The following FAM178B variants were observed in gnomAD, a reference collection of about 807,000 sequenced individuals.
FAM178B encodes protein FAM178B.
Under a neutral mutation model 91.7 loss-of-function variants are expected in FAM178B, and 82 were observed. The observed-to-expected ratio is 0.89, with a 90% CI of 0.75 to 1.07. The LOEUF (loss-of-function observed/expected upper bound fraction) is 1.07. Among genes scored for constraint, FAM178B ranks in the 50% least tolerant of loss-of-function variants. The pLI is 0.00. For missense variants in FAM178B, 769 were observed against 846.7 expected, an observed-to-expected ratio of 0.91 and a Z score of 1.14; for synonymous variants, 368 against 359.4, an observed-to-expected ratio of 1.02 and a Z score of -0.27.
intron 8 of FAM178B, among the ~76,000 whole-genome samples, chr2:96,936,067 G>A (rs1015098255): frequency 1.3e-4 from 20 of 152,086 alleles, no homozygotes; most frequent in Non-Finnish European, 2.5e-4. Context: ...ACTGGTGGGT[G>A]GGTGGGAGTG....
chr2:96,921,970 T>C (rs1465182885), intron 10 of FAM178B, among the ~76,000 whole-genome samples: 1 of 151,362 alleles, frequency 6.6e-6, no homozygotes, highest in African/African-American at 2.4e-5. Flanking sequence ...AGATAGGAGG[T>C]TGGCACGATA....
chr2:96,967,446 C>T, intron 5 of FAM178B, 74 bp downstream of exon 5: 1 of 882,588 alleles, frequency 1.1e-6, no homozygotes, highest in Non-Finnish European at 1.8e-6. Context: ...GGTCAAAACT[C>T]TGTCCAAAAC....
Position 96,876,025 on chromosome 2 carries a change from A to G in FAM178B, c.*251T>C. On this transcript the variant is annotated 3_prime_UTR_variant, in exon 17 of 17. Coordinates refer to ENST00000490605, the MANE Select transcript of FAM178B (RefSeq NM_001122646.3). ...CCTTAGGGAAGAGGAGATGGCTGGGAGGAGGGCTGAGGGGTGGGCGAGGCA... is the reference window on the plus strand; with the variant it reads ...CCTTAGGGAAGAGGAGATGGCTGGGGGGAGGGCTGAGGGGTGGGCGAGGCA... 1 of 534,260 alleles carries G rather than the reference A, an allele frequency of 1.9e-6. No individual in the cohort carries two copies. The highest frequency in any genetic ancestry group is 3.3e-6 in the Non-Finnish European group (1 of 300,676). The allele number at this position is 534,260 out of a possible 1,614,324, so 33.1% of individuals were successfully genotyped here.
Position 96,930,210 on chromosome 2 carries a change from CAAAAAAAAAAAAAAAAAAA to C in FAM178B, c.1079-909_1079-891del, listed in dbSNP as rs60102987. 2.0e-4 allele frequency among the ~76,000 whole-genome samples: 8 copies of C among 39,488 alleles called. 1 individual carries two copies. The highest frequency in any genetic ancestry group is 1.7e-3 in the South Asian group (1 of 576). 25.9% of individuals were successfully genotyped at this position (39,488 alleles called of 152,430 possible). On this transcript the variant is annotated intron_variant, in intron 8 of 16. Coordinates refer to ENST00000490605, the MANE Select transcript of FAM178B (RefSeq NM_001122646.3). ...GTGACAGAGCGAGACTCCGTCTCTC[CAAAAAAAAAAAAAAAAAAA>C]AAAAAAAAAAAAAAATCTGACCACG...
At chr2:96,898,779 G>T (rs1297693644) in intron 13 of FAM178B, among the ~76,000 whole-genome samples, 1 of 152,246 alleles carries the variant, frequency 6.6e-6, no homozygotes, top group Non-Finnish European at 1.5e-5. Flanking sequence ...ACTGAGGACA[G>T]CAGCCAGGAC....
intron 14 of FAM178B, among the ~76,000 whole-genome samples, chr2:96,893,313 G>A (rs898849122): frequency 6.6e-6 from 1 of 152,038 alleles, no homozygotes; most frequent in African/African-American, 2.4e-5. Flanking sequence ...ATTCACCCAG[G>A]GACTCATAGG....
At chr2:96,944,988 C>G (rs901523232) in intron 8 of FAM178B, among the ~76,000 whole-genome samples, 1 of 152,142 alleles carries the variant, frequency 6.6e-6, no homozygotes, top group Non-Finnish European at 1.5e-5. Context: ...CTTCCCGTTG[C>G]CTCCTTTCTG....
intron 14 of FAM178B, among the ~76,000 whole-genome samples, chr2:96,889,707 A>C (rs2080620213): frequency 3.7e-5 from 5 of 136,934 alleles, no homozygotes; most frequent in African/African-American, 1.3e-4. Context: ...TAAATAAATA[A>C]ATAAATAAAT....
Position 96,921,712 on chromosome 2 carries a change from C to T in FAM178B, c.1288-58G>A, listed in dbSNP as rs991297269. On this transcript the variant is annotated intron_variant, in intron 10 of 16. Transcript: ENST00000490605. ...GGCATGGGGGAACGGGAGAGTACTT[C>T]GAGGACCAGTTCCCTGGGAGACACT... The T allele has an allele frequency of 5.7e-5, 85 of 1,503,800 alleles. 2 individuals are homozygous for T. The South Asian group carries it at 6.8e-4, about 12-fold the overall frequency. The allele number at this position is 1,503,800 out of a possible 1,614,324, so 93.2% of individuals were successfully genotyped here.
chr2:96,942,310 C>G (rs1175051310), intron 8 of FAM178B, among the ~76,000 whole-genome samples: 1 of 152,214 alleles, frequency 6.6e-6, no homozygotes, highest in Non-Finnish European at 1.5e-5. Flanking sequence ...AAGACAATCA[C>G]TATTAAAATC....
At chr2:96,954,486 T>G (rs952776807) in intron 6 of FAM178B, among the ~76,000 whole-genome samples, 3 of 152,240 alleles carry the variant, frequency 2.0e-5, no homozygotes, top group Non-Finnish European at 1.5e-5. Flanking sequence ...GGAATTTCTG[T>G]TCCTTATCAC....
Position 96,972,062 on chromosome 2 carries a change from C to T in FAM178B, c.403G>A (p.Val135Met), listed in dbSNP as rs1373593788. ...ASREAPAQRWVGVVGPQGLRR... is the reference protein window; with the variant it reads ...ASREAPAQRWMGVVGPQGLRR... ...AGGCCCTGGGGGCCCACCACACCCA[C>T]CCACCTCTGGGCCGGGGCCTCCCGA... Residue 135 changes from valine to methionine, a missense_variant, in exon 3 of 17, where the codon GTG (valine) becomes ATG (methionine). By Grantham distance (21) the Val-to-Met change is conservative (BLOSUM62 1). Coordinates refer to ENST00000490605, the MANE Select transcript of FAM178B (RefSeq NM_001122646.3). 3.9e-6 allele frequency: 6 copies of T among 1,547,488 alleles called. No homozygotes were observed. Among genetic ancestry groups the T allele is most frequent in the Admixed American group, 2.0e-5 (1 of 50,500 alleles).
At chr2:96,977,295 T>C (rs1328237735) in intron 1 of FAM178B, among the ~76,000 whole-genome samples, 1 of 128,070 alleles carries the variant, frequency 7.8e-6, no homozygotes, top group Non-Finnish European at 1.6e-5. Context: ...CGAGGTAGGA[T>C]AATTGCTTGA....
rs55725230 is a variant in FAM178B, at chr2:96,902,663, A to G, written c.1607T>C (p.Leu536Pro). 6.4e-7 allele frequency: 1 copy of G among 1,550,920 alleles called. No homozygotes were observed. The highest frequency in any genetic ancestry group is 1.4e-5 in the African/African-American group (1 of 73,146). Residue 536 changes from leucine to proline, a missense_variant, in exon 13 of 17, where the codon CTG becomes CCG. Leu to Pro is a moderately conservative substitution (Grantham distance 98, BLOSUM62 -3). Coordinates refer to ENST00000490605, the MANE Select transcript of FAM178B (RefSeq NM_001122646.3). Reference protein sequence around the residue: ...QLSLVVIARMLGQQEMLPLWQ... With the variant: ...QLSLVVIARMPGQQEMLPLWQ... ...GAGAGGGAGCATCTCCTGCTGGCCC[A>G]GCATTCGAGCAATGACCACAAGGCT...
At chr2:96,921,701 G>C in intron 10 of FAM178B, 47 bp from the exon 11 acceptor site, 1 of 1,532,788 alleles carries the variant, frequency 6.5e-7, no homozygotes, top group Non-Finnish European at 8.8e-7. Flanking sequence ...TGGGGGAACG[G>C]GAGAGTACTT....
intron 9 of FAM178B, among the ~76,000 whole-genome samples, chr2:96,924,763 C>T (rs2081406919): frequency 6.6e-6 from 1 of 152,202 alleles, no homozygotes; most frequent in Admixed American, 6.5e-5. Flanking sequence ...GCTTAAGGTT[C>T]CTGCTAACAG....
intron 8 of FAM178B, among the ~76,000 whole-genome samples, chr2:96,933,209 C>T (rs1192437733): frequency 6.6e-6 from 1 of 152,106 alleles, no homozygotes; most frequent in East Asian, 1.9e-4. Flanking sequence ...CGCCACTGCA[C>T]TCCAGCCTGG....
At chr2:96,884,781 T>C (rs1411737570) in intron 14 of FAM178B, among the ~76,000 whole-genome samples, 5 of 152,208 alleles carry the variant, frequency 3.3e-5, no homozygotes, top group Non-Finnish European at 7.3e-5. Flanking sequence ...CCTCTGAGCC[T>C]TGGCTTTGGC....
At chr2:96,905,926 CA>C (rs1192002436) in intron 12 of FAM178B, among the ~76,000 whole-genome samples, 5 of 122,142 alleles carry the variant, frequency 4.1e-5, no homozygotes, top group Non-Finnish European at 7.9e-5. Context: ...GACTGGCATG[CA>C]ATGGTGCGAT....
Sources: allele counts gnomAD v4.1 joint callset (sites outside exome capture counted in the v4.1 genomes callset), GRCh38; gene constraint gnomAD v4.1.1; transcripts MANE v1.5; gene names NCBI Gene and HGNC (gene_info 2026-07-23, HGNC 2026-07-21).